Variants in ACO1 observed in about 807,000 individuals in gnomAD.
ACO1 encodes the protein cytoplasmic aconitate hydratase.
In ACO1, 78 loss-of-function variants were observed where a neutral mutation model predicts 105.1. That is an observed-to-expected ratio of 0.74 (90% confidence interval 0.62 to 0.90). The LOEUF is 0.90. ACO1 is among the 40% of genes least tolerant of loss of function. The pLI is 0.00. For synonymous variants in ACO1, 364 were observed against 397.4 expected, an observed-to-expected ratio of 0.92 and a Z score of 1.00; for missense variants, 965 against 1,111.1, an observed-to-expected ratio of 0.87 and a Z score of 1.87.
chr9:32,447,359 G>A (rs1822638968), intron 19 of ACO1, among the ~76,000 whole-genome samples: 1 of 152,022 alleles, frequency 6.6e-6, no homozygotes, highest in Admixed American at 6.6e-5. Flanking sequence ...GATCAATTCA[G>A]CTATTGATAC....
chr9:32,448,811 C>T, intron 19 of ACO1, 85 bp from the exon 20 acceptor site: 1 of 1,467,122 alleles, frequency 6.8e-7, no homozygotes, highest in Non-Finnish European at 9.5e-7. Flanking sequence ...GCCATCATGC[C>T]AGCTCTCTCA....
intron 1 of ACO1, among the ~76,000 whole-genome samples, chr9:32,402,308 T>C (rs935017962): frequency 1.3e-5 from 2 of 152,158 alleles, no homozygotes; most frequent in Non-Finnish European, 2.9e-5. Context: ...AACTCTTCCC[T>C]CTTTCAAAAA....
chr9:32,420,784 G>A (rs1001465662), intron 7 of ACO1, 72 bp from the exon 8 acceptor site: 12 of 1,510,236 alleles, frequency 7.9e-6, no homozygotes, highest in Middle Eastern at 2.3e-4. Flanking sequence ...TATAAGAAGT[G>A]CAAGATGGTA....
chr9:32,424,463 A>G (rs561503593), intron 9 of ACO1, 86 bp from the exon 10 acceptor site: 2 of 846,448 alleles, frequency 2.4e-6, no homozygotes, highest in East Asian at 2.6e-5. Context: ...TATGGTTGTC[A>G]TGTTTTAAAT....
intron 4 of ACO1, among the ~76,000 whole-genome samples, chr9:32,411,692 T>A (rs1319564369): frequency 2.0e-5 from 3 of 152,186 alleles, no homozygotes; most frequent in African/African-American, 4.8e-5. Context: ...CATTTTCTTA[T>A]CAATATAGTT....
At position 32,454,769 on chromosome 9, in the gene ACO1, A is replaced by C. The variant is rs1244929767; in HGVS notation, c.*4658A>C. On this transcript the variant is annotated 3_prime_UTR_variant, in exon 21 of 21. Coordinates refer to ENST00000309951, the MANE Select transcript of ACO1 (RefSeq NM_002197.3). Reference sequence around the variant, plus strand: ...ATTCCATTAAAAGTCAAACAAGGAAATGCTAAGTTCTCCTTATTTATTTTC... The same window carrying C: ...ATTCCATTAAAAGTCAAACAAGGAACTGCTAAGTTCTCCTTATTTATTTTC... 6.7e-6 allele frequency: 1 copy of C among 148,198 alleles called. No individual in the cohort carries two copies. Among genetic ancestry groups the C allele is most frequent in the Non-Finnish European group, 1.5e-5 (1 of 66,660 alleles). 9.2% of individuals were successfully genotyped at this position (148,198 alleles called of 1,614,324 possible).
intron 19 of ACO1, among the ~76,000 whole-genome samples, chr9:32,441,344 G>T (rs1367836277): frequency 6.6e-6 from 1 of 152,126 alleles, no homozygotes; most frequent in Non-Finnish European, 1.5e-5. Flanking sequence ...TCTTCAGGGT[G>T]GGGTACACAT....
intron 18 of ACO1, among the ~76,000 whole-genome samples, chr9:32,436,605 C>T (rs1236531932): frequency 1.3e-5 from 2 of 152,162 alleles, no homozygotes; most frequent in South Asian, 2.1e-4. Context: ...GATTCTAGAC[C>T]GTGGTTTCAC....
chr9:32,419,257 T>G, intron 7 of ACO1, 80 bp downstream of exon 7: 1 of 1,402,544 alleles, frequency 7.1e-7, no homozygotes, highest in Non-Finnish European at 9.4e-7. Context: ...TAATGGAATC[T>G]TGTTTGGTTT....
At chr9:32,449,878 T>A (rs1822717949) in intron 20 of ACO1, 120 bp from the exon 21 acceptor site, 1 of 713,380 alleles carries the variant, frequency 1.4e-6, no homozygotes, top group East Asian at 2.5e-5. Flanking sequence ...CATGTCCTCA[T>A]GTGCTGCTGG....
At chr9:32,389,156 C>T (rs2118322737) in intron 1 of ACO1, among the ~76,000 whole-genome samples, 1 of 152,238 alleles carries the variant, frequency 6.6e-6, no homozygotes, top group South Asian at 2.1e-4. Flanking sequence ...CTAAAAAAAG[C>T]ATGTTACACA....
chr9:32,417,780 CAA>C (rs919259387), intron 4 of ACO1, among the ~76,000 whole-genome samples: 6 of 152,156 alleles, frequency 3.9e-5, no homozygotes, highest in Admixed American at 2.6e-4. Context: ...AGTATAGAAA[CAA>C]GAGTTCTTTA....
intron 19 of ACO1, among the ~76,000 whole-genome samples, chr9:32,442,667 T>G (rs894335956): frequency 6.6e-6 from 1 of 152,214 alleles, no homozygotes; most frequent in Non-Finnish European, 1.5e-5. Flanking sequence ...GCTTTTTTGA[T>G]TGAACTTTCT....
intron 4 of ACO1, among the ~76,000 whole-genome samples, chr9:32,411,823 A>G (rs906731889): frequency 3.9e-5 from 6 of 152,218 alleles, no homozygotes; most frequent in Non-Finnish European, 1.5e-5. Flanking sequence ...AGAAATTTCT[A>G]TATCCTTTGT....
chr9:32,399,428 A>G (rs568717680), intron 1 of ACO1, among the ~76,000 whole-genome samples: 2 of 152,342 alleles, frequency 1.3e-5, no homozygotes, highest in East Asian at 1.9e-4. Flanking sequence ...TATGAATTCT[A>G]TTGCCTGGTT....
chr9:32,402,050 C>T (rs1211588061), intron 1 of ACO1, among the ~76,000 whole-genome samples: 1 of 152,196 alleles, frequency 6.6e-6, no homozygotes, highest in African/African-American at 2.4e-5. Context: ...AAGAACTGTT[C>T]ATCTGTCTTC....
At chr9:32,406,696 CTG>C (rs1459211486) in intron 2 of ACO1, among the ~76,000 whole-genome samples, 1 of 152,226 alleles carries the variant, frequency 6.6e-6, no homozygotes, top group Admixed American at 6.5e-5. Flanking sequence ...GGGAAACTGT[CTG>C]TTGTTGGAAT....
At chr9:32,399,642 AAC>A (rs1821445429) in intron 1 of ACO1, among the ~76,000 whole-genome samples, 1 of 152,238 alleles carries the variant, frequency 6.6e-6, no homozygotes. Flanking sequence ...ACTTGGAAAC[AAC>A]CTAAGTATTT....
At chr9:32,432,543 T>C (rs1366837472) in intron 15 of ACO1, among the ~76,000 whole-genome samples, 1 of 152,112 alleles carries the variant, frequency 6.6e-6, no homozygotes, top group Non-Finnish European at 1.5e-5. Context: ...GCAGGCATTA[T>C]GTTAAATGCC....
Sources: gnomAD v4.1 joint callset for allele counts (sites outside exome capture counted in the v4.1 genomes callset) on GRCh38, gnomAD v4.1.1 for gene constraint, MANE v1.5 for transcripts, NCBI Gene and HGNC (gene_info 2026-07-23, HGNC 2026-07-21) for gene names.